Variants in LAP3 observed in about 807,000 individuals in gnomAD.
LAP3 encodes the protein cytosol aminopeptidase.
In LAP3, 46 loss-of-function variants were observed where a neutral mutation model predicts 58.8. The ratio of observed to expected loss-of-function variants is 0.78; its 90% CI spans 0.62 to 1.00. LAP3 has a LOEUF of 1.00. Among genes scored for constraint, LAP3 ranks in the 50% least tolerant of loss-of-function variants. The probability of loss-of-function intolerance (pLI) is 0.00; values close to 1 mark genes in which losing one functional copy is unlikely to be tolerated. For synonymous variants in LAP3, 257 were observed against 237.7 expected (o/e 1.08, Z -0.75); for missense variants, 615 against 659.1 (o/e 0.93, Z 0.73).
chr4:17,591,898 C>A (rs1452422152), intron 7 of LAP3, among the ~76,000 whole-genome samples: 3 of 152,072 alleles, frequency 2.0e-5, no homozygotes, highest in African/African-American at 7.2e-5. Context: ...AACAGAATGA[C>A]GTGAGATTTA....
In LAP3 at chr4:17,577,525, A is replaced by T. The variant is rs749325072; in HGVS notation, c.60A>T (p.Arg20Ser). ...TAGTCGTCCGACGTCTGGCCGTGAG[A>T]CGTTTCGGGAGCCGGAGTCTCTCCA... Reference protein sequence around the residue: ...GRVVVRRLAVRRFGSRSLSTA... With the variant: ...GRVVVRRLAVSRFGSRSLSTA... Residue 20 changes from arginine to serine, a missense_variant, in exon 1 of 13, where the codon AGA becomes AGT. Coordinates refer to ENST00000226299, the MANE Select transcript of LAP3 (RefSeq NM_015907.3). The T allele has an allele frequency of 5.7e-6, 9 of 1,581,600 alleles. No homozygotes were observed. Among genetic ancestry groups the T allele is most frequent in the East Asian group, 2.3e-5 (1 of 43,046 alleles).
At chr4:17,605,567 A>G (rs1242447372) in intron 11 of LAP3, among the ~76,000 whole-genome samples, 6 of 102,764 alleles carry the variant, frequency 5.8e-5, no homozygotes. Context: ...CAAACATAAA[A>G]TGTCCCCAAA....
intron 7 of LAP3, among the ~76,000 whole-genome samples, chr4:17,590,658 G>A (rs758455382): frequency 3.9e-5 from 6 of 152,030 alleles, no homozygotes; most frequent in East Asian, 1.9e-4. Flanking sequence ...TGCAAGCTCC[G>A]CCTCCCGGGT....
rs1713306708 is a variant in LAP3 at position 17,579,888 on chromosome 4, G to T, written c.167G>T (p.Gly56Val). The change falls in exon 2 of 13, where the codon GGA becomes GTA. Residue 56 changes from glycine to valine, a missense_variant. By Grantham distance (109) the Gly-to-Val change is moderately radical. Coordinates refer to ENST00000226299, the MANE Select transcript of LAP3 (RefSeq NM_015907.3). ...GATGTGCCACAGTTCACAAGTGCAG[G>T]AGAGAATTTTGATAAATTGTTAGCT... ...EDDVPQFTSA[G>V]ENFDKLLAGK... The T allele has an allele frequency of 1.9e-6, 3 of 1,612,616 alleles. No homozygotes were observed. The East Asian group carries it at 6.7e-5, about 36-fold the overall frequency.
chr4:17,591,517 C>T (rs1305011762), intron 7 of LAP3, among the ~76,000 whole-genome samples: 1 of 152,178 alleles, frequency 6.6e-6, no homozygotes, highest in Non-Finnish European at 1.5e-5. Context: ...TTTAAGTCCA[C>T]ATTTGTAATT....
rs1713848928 is a variant in LAP3 at position 17,597,071 on chromosome 4, G to A, written c.1014G>A (p.Met338Ile). The change falls in exon 9 of 13, where the codon ATG becomes ATA. Residue 338 changes from methionine to isoleucine, a missense_variant. Physicochemically the swap from Met to Ile is conservative, Grantham distance 10 (BLOSUM62 1). Coordinates refer to ENST00000226299, the MANE Select transcript of LAP3 (RefSeq NM_015907.3). ...IIGLAPLCEN[M>I]PSGKANKPGD... ...GTCTGGCCCCTCTTTGTGAAAATATGCCCAGCGGCAAGGCCAACAAGCCGG... is the reference window on the plus strand; with the variant it reads ...GTCTGGCCCCTCTTTGTGAAAATATACCCAGCGGCAAGGCCAACAAGCCGG... 13 of 1,614,076 alleles carry A rather than the reference G, an allele frequency of 8.1e-6. 1 individual carries two copies. The highest frequency in any genetic ancestry group is 1.1e-5 in the Non-Finnish European group (13 of 1,180,034).
At position 17,582,255 on chromosome 4, in the gene LAP3, T is replaced by G. The variant is rs558741424; in HGVS notation, c.274-33T>G. ...GCTGGAAATGAATGCTTGAAAGAAA[T>G]AAAGTGGTTGATTTGGTGTATCTGT... On this transcript the variant is annotated intron_variant, in intron 3 of 12. Coordinates refer to ENST00000226299, the MANE Select transcript of LAP3 (RefSeq NM_015907.3). 15 of 1,537,330 alleles carry G rather than the reference T, an allele frequency of 9.8e-6. No individual in the cohort carries two copies. In the Admixed American group the frequency reaches 1.7e-4, roughly 17 times the overall value.
intron 5 of LAP3, among the ~76,000 whole-genome samples, chr4:17,584,440 G>A (rs1299141799): frequency 2.0e-5 from 3 of 152,176 alleles, no homozygotes; most frequent in East Asian, 1.9e-4. Flanking sequence ...TGTGAAACAC[G>A]TGCCTGTATC....
At chr4:17,584,357 G>T (rs1013424799) in intron 5 of LAP3, among the ~76,000 whole-genome samples, 22 of 152,292 alleles carry the variant, frequency 1.4e-4, no homozygotes, top group African/African-American at 5.1e-4. Flanking sequence ...TCAAGTAGGG[G>T]GCATGTGGCA....
At chr4:17,606,673 TA>T (rs138706793) in intron 11 of LAP3, among the ~76,000 whole-genome samples, 155 bp from the exon 12 acceptor site, 3,158 of 152,310 alleles carry the variant, frequency 0.021, 115 homozygotes, top group African/African-American at 0.072. Context: ...ATAAATCTTT[TA>T]ATGAGTGGAC....
intron 7 of LAP3, among the ~76,000 whole-genome samples, chr4:17,592,652 A>C (rs1713717367): frequency 6.6e-6 from 1 of 152,196 alleles, no homozygotes; most frequent in African/African-American, 2.4e-5. Flanking sequence ...AAGCGGGTAC[A>C]TTTTCACTTC....
At chr4:17,595,830 TG>T (rs945092595) in intron 8 of LAP3, among the ~76,000 whole-genome samples, 13 of 152,158 alleles carry the variant, frequency 8.5e-5, no homozygotes, top group Non-Finnish European at 4.4e-5. Flanking sequence ...TGAAACTTGC[TG>T]GGTACTTGGG....
rs574690966 is a variant in LAP3, at chr4:17,607,679, G to A, written c.*90G>A. On this transcript the variant is annotated 3_prime_UTR_variant, in exon 13 of 13. Transcript: ENST00000226299. ...AATAAATGGATGAAAATCTTTTAAC[G>A]GAGACAAAGGATGGTATTTAAAAAT... 1.6e-5 allele frequency: 16 copies of A among 972,982 alleles called. No individual in the cohort carries two copies. Among genetic ancestry groups the A allele is most frequent in the South Asian group, 4.1e-5 (2 of 48,598 alleles). The allele number at this position is 972,982 out of a possible 1,614,324, so 60.3% of individuals were successfully genotyped here. A position where few individuals can be genotyped will look rare whatever the true frequency, so the allele number is the denominator to read the frequency against.
intron 7 of LAP3, among the ~76,000 whole-genome samples, chr4:17,590,177 A>G (rs1245302491): frequency 6.6e-6 from 1 of 152,250 alleles, no homozygotes; most frequent in Non-Finnish European, 1.5e-5. Flanking sequence ...CTCAGGGTAC[A>G]GAATATAGCA....
intron 10 of LAP3, among the ~76,000 whole-genome samples, chr4:17,599,780 A>T (rs1323842342): frequency 6.6e-6 from 1 of 151,380 alleles, no homozygotes; most frequent in Non-Finnish European, 1.5e-5. Flanking sequence ...CCAGAGTAGC[A>T]GGATTCTCAT....
intron 12 of LAP3, 127 bp from the exon 13 acceptor site, chr4:17,607,273 T>C (rs1714165126): frequency 2.9e-6 from 2 of 695,272 alleles, no homozygotes; most frequent in Non-Finnish European, 4.8e-6. Flanking sequence ...GATATGTGGG[T>C]TAGCATCTTA....
intron 7 of LAP3, among the ~76,000 whole-genome samples, chr4:17,589,626 T>G (rs931139888): frequency 2.0e-5 from 3 of 152,080 alleles, no homozygotes; most frequent in Non-Finnish European, 2.9e-5. Flanking sequence ...GTCGTGTCCT[T>G]TTTTTAAAAA....
rs1412263902 is a variant in LAP3 at position 17,584,754 on chromosome 4, G to T, written c.540-218G>T. On this transcript the variant is annotated intron_variant, in intron 5 of 12. Transcript: ENST00000226299. ...GAAGTGCCTGACCGGATACCCTCTG[G>T]TTCTGCTTTGTGTGGCCATGTTTTC... 6 of 441,358 alleles carry T rather than the reference G, an allele frequency of 1.4e-5. No individual in the cohort carries two copies. The South Asian group carries it at 1.5e-4, about 11-fold the overall frequency. The allele number at this position is 441,358 out of a possible 1,614,324, so 27.3% of individuals were successfully genotyped here.
Position 17,585,135 on chromosome 4 carries a change from A to G in LAP3, c.703A>G (p.Arg235Gly). 6.2e-7 allele frequency: 1 copy of G among 1,611,302 alleles called. No individual in the cohort carries two copies. Among genetic ancestry groups the G allele is most frequent in the Non-Finnish European group, 8.5e-7 (1 of 1,177,736 alleles). ...SASSKTEVHI[R>G]PKSWIEEQAM... is the part of the protein sequence containing the mutation. ...TAGTAGTAAAACCGAGGTCCATATC[A>G]GGTAATTCAGGATTGTGTCACAGAC... Residue 235 changes from arginine (R) to glycine (G), a missense_variant and splice_region_variant, in exon 6 of 13, where the codon AGA becomes GGA. By Grantham distance (125) the Arg-to-Gly change is moderately radical (BLOSUM62 -2). Coordinates refer to ENST00000226299, the MANE Select transcript of LAP3 (RefSeq NM_015907.3).
Sources: gnomAD v4.1 joint callset for allele counts (sites outside exome capture counted in the v4.1 genomes callset) on GRCh38, gnomAD v4.1.1 for gene constraint, MANE v1.5 for transcripts, NCBI Gene and HGNC (gene_info 2026-07-23, HGNC 2026-07-21) for gene names.